The following PIK3C2G variants were observed in gnomAD, a reference collection of about 807,000 sequenced individuals.
The protein encoded by PIK3C2G is phosphatidylinositol-4-phosphate 3-kinase catalytic subunit type 2 gamma.
Under a neutral mutation model 181.1 loss-of-function variants are expected in PIK3C2G, and 168 were observed. The ratio of observed to expected loss-of-function variants is 0.93; its 90% CI spans 0.82 to 1.05. The LOEUF (loss-of-function observed/expected upper bound fraction) is 1.05. PIK3C2G is among the 50% of genes least tolerant of loss of function. PIK3C2G has a pLI of 0.00. For synonymous variants in PIK3C2G, 573 were observed against 592.2 expected, an observed-to-expected ratio of 0.97 and a Z score of 0.47; for missense variants, 1,869 against 1,732.8, an observed-to-expected ratio of 1.08 and a Z score of -1.40.
At chr12:18,297,946 T>C (rs1022568101) in intron 5 of PIK3C2G, among the ~76,000 whole-genome samples, 1 of 152,030 alleles carries the variant, frequency 6.6e-6, no homozygotes, top group African/African-American at 2.4e-5. Flanking sequence ...CTTAGGTTGA[T>C]TCCGTATCTT....
At chr12:18,448,131 C>A (rs963324237) in intron 18 of PIK3C2G, among the ~76,000 whole-genome samples, 1 of 151,988 alleles carries the variant, frequency 6.6e-6, no homozygotes, top group Non-Finnish European at 1.5e-5. Context: ...ATTGTTAGAG[C>A]AAAAAGTGCT....
the PIK3C2G span, among the ~76,000 whole-genome samples, chr12:18,682,202 C>T: frequency 3.0e-4 from 45 of 152,112 alleles, no homozygotes; most frequent in Non-Finnish European, 6.2e-4. Flanking sequence ...CTCAGTGATA[C>T]GTTTATTTTA....
chr12:18,410,703 T>G (rs1944819354), intron 16 of PIK3C2G, among the ~76,000 whole-genome samples: 1 of 152,036 alleles, frequency 6.6e-6, no homozygotes, highest in Non-Finnish European at 1.5e-5. Flanking sequence ...AGAGGGAACA[T>G]AAGGCAATAA....
At chr12:18,321,239 C>T (rs1951095052) in intron 7 of PIK3C2G, among the ~76,000 whole-genome samples, 1 of 152,190 alleles carries the variant, frequency 6.6e-6, no homozygotes, top group Admixed American at 6.5e-5. Flanking sequence ...CTTTCCAGAA[C>T]ATTCTAACAT....
At chr12:18,592,430 CA>C (rs1263365992) in intron 29 of PIK3C2G, among the ~76,000 whole-genome samples, 12 of 151,924 alleles carry the variant, frequency 7.9e-5, no homozygotes, top group African/African-American at 2.9e-4. Context: ...TATATCATGA[CA>C]AAGGAAATTC....
intron 30 of PIK3C2G, among the ~76,000 whole-genome samples, chr12:18,600,168 G>T (rs1947629282): frequency 6.6e-6 from 1 of 151,756 alleles, no homozygotes; most frequent in Admixed American, 6.6e-5. Flanking sequence ...CTACAGAAAA[G>T]TTCAATAAAG....
intron 31 of PIK3C2G, among the ~76,000 whole-genome samples, chr12:18,622,973 TA>T (rs1339435355): frequency 2.6e-5 from 4 of 151,948 alleles, no homozygotes; most frequent in East Asian, 3.9e-4. Flanking sequence ...GACTTGCAAA[TA>T]TTTTTTCCAT....
intron 26 of PIK3C2G, among the ~76,000 whole-genome samples, chr12:18,548,087 C>A (rs541240275): frequency 2.6e-5 from 4 of 152,066 alleles, no homozygotes; most frequent in Admixed American, 2.6e-4. Context: ...AAACTCCATC[C>A]CATGCAGGTG....
intron 31 of PIK3C2G, among the ~76,000 whole-genome samples, chr12:18,616,179 A>G (rs896183177): frequency 4.2e-4 from 64 of 152,146 alleles, no homozygotes; most frequent in African/African-American, 1.5e-3. Flanking sequence ...TACACCATCT[A>G]TTTGATATTC....
chr12:18,683,170 CAT>C, the PIK3C2G span: 1 of 1,326,344 alleles, frequency 7.5e-7, no homozygotes. Context: ...AAAAAGAAAA[CAT>C]AAAGACATTC....
intron 31 of PIK3C2G, among the ~76,000 whole-genome samples, chr12:18,611,623 C>T (rs944990972): frequency 3.3e-5 from 5 of 152,204 alleles, no homozygotes; most frequent in Admixed American, 1.3e-4. Flanking sequence ...CCAAAATTCT[C>T]GTGACTGCCC....
the PIK3C2G span, among the ~76,000 whole-genome samples, chr12:18,684,727 C>T: frequency 6.6e-6 from 1 of 152,066 alleles, no homozygotes; most frequent in East Asian, 1.9e-4. Flanking sequence ...AATTAAGTAA[C>T]ATCATTTTTC....
At chr12:18,394,669 C>T (rs1943746163) in intron 15 of PIK3C2G, among the ~76,000 whole-genome samples, 1 of 151,676 alleles carries the variant, frequency 6.6e-6, no homozygotes, top group African/African-American at 2.4e-5. Flanking sequence ...AAAAAATCAG[C>T]AAATGGGCTT....
At chr12:18,511,402 T>C (rs1942197004) in intron 24 of PIK3C2G, among the ~76,000 whole-genome samples, 1 of 152,090 alleles carries the variant, frequency 6.6e-6, no homozygotes, top group South Asian at 2.1e-4. Context: ...GGAAAGTGGA[T>C]GCTGTTTTCC....
At chr12:18,709,456 C>G in the PIK3C2G span, among the ~76,000 whole-genome samples, 1 of 152,082 alleles carries the variant, frequency 6.6e-6, no homozygotes, top group African/African-American at 2.4e-5. Context: ...AGTGTGATGC[C>G]TCCAACTTTG....
intron 19 of PIK3C2G, among the ~76,000 whole-genome samples, chr12:18,490,666 A>G (rs1370764701): frequency 2.0e-5 from 3 of 152,210 alleles, no homozygotes; most frequent in Admixed American, 1.3e-4. Context: ...TTCACATAAC[A>G]TAATGACCTC....
chr12:18,344,129 T>C (rs903311865), intron 10 of PIK3C2G, among the ~76,000 whole-genome samples: 3 of 152,096 alleles, frequency 2.0e-5, no homozygotes, highest in Non-Finnish European at 4.4e-5. Context: ...CGTTCTTGGT[T>C]GTAGATGGTA....
intron 24 of PIK3C2G, among the ~76,000 whole-genome samples, chr12:18,521,184 T>C (rs1257853185): frequency 6.6e-6 from 1 of 152,200 alleles, no homozygotes; most frequent in Non-Finnish European, 1.5e-5. Context: ...TGCTCCTGTA[T>C]TGGGTGTCTG....
intron 25 of PIK3C2G, among the ~76,000 whole-genome samples, chr12:18,543,855 A>G (rs1406135773): frequency 6.6e-6 from 1 of 151,858 alleles, no homozygotes; most frequent in Non-Finnish European, 1.5e-5. Flanking sequence ...AAATCTAGCT[A>G]TTTACAAAGT....
Sources: allele counts gnomAD v4.1 joint callset (sites outside exome capture counted in the v4.1 genomes callset), GRCh38; gene constraint gnomAD v4.1.1; transcripts MANE v1.5; gene names NCBI Gene and HGNC (gene_info 2026-07-23, HGNC 2026-07-21).